The following SEM1 variants were observed in gnomAD, a reference collection of about 807,000 sequenced individuals.
SEM1 encodes SEM1 26S proteasome subunit.
In SEM1, 3 loss-of-function variants were observed where a neutral mutation model predicts 12.7. The ratio of observed to expected loss-of-function variants is 0.24; its 90% CI spans 0.11 to 0.61. The LOEUF is 0.61. SEM1 is among the 20% of genes least tolerant of loss of function. The probability of loss-of-function intolerance (pLI) is 0.88; values close to 1 mark genes in which losing one functional copy is unlikely to be tolerated. For missense variants in SEM1, 59 were observed against 81.3 expected (o/e 0.73, Z 1.06); for synonymous variants, 30 against 27.8 (o/e 1.08, Z -0.25).
downstream of SEM1, among the ~76,000 whole-genome samples, chr7:96,687,720 AC>A: frequency 6.6e-6 from 1 of 152,088 alleles, no homozygotes; most frequent in Non-Finnish European, 1.5e-5. Flanking sequence ...CCAGCATGGC[AC>A]ATGTATACAT....
At chr7:96,625,076 G>A (rs997742286) in intron 2 of SEM1, among the ~76,000 whole-genome samples, 1 of 152,088 alleles carries the variant, frequency 6.6e-6, no homozygotes, top group Admixed American at 6.6e-5. Context: ...TCATAAGGAG[G>A]TTGCTGCTTT....
At chr7:96,551,410 G>A (rs1805266474) in intron 2 of SEM1, among the ~76,000 whole-genome samples, 2 of 152,142 alleles carry the variant, frequency 1.3e-5, no homozygotes, top group South Asian at 4.1e-4. Flanking sequence ...TTTATAAGAA[G>A]ACACAGAGGC....
intron 2 of SEM1, among the ~76,000 whole-genome samples, chr7:96,553,787 G>A (rs1331041306): frequency 1.3e-5 from 2 of 152,158 alleles, no homozygotes; most frequent in African/African-American, 4.8e-5. Flanking sequence ...ACCTTGGGCA[G>A]TATGGCCATT....
chr7:96,706,570 C>CAAAAAAAAA (rs67892273), intron 1 of SEM1, among the ~76,000 whole-genome samples: 96 of 78,024 alleles, frequency 1.2e-3, no homozygotes, highest in African/African-American at 2.7e-3. Flanking sequence ...CTCAAACAAA[C>CAAAAAAAAA]AAAAAAAAAA....
chr7:96,529,741 C>T (rs1804585167), intron 2 of SEM1, among the ~76,000 whole-genome samples: 1 of 152,160 alleles, frequency 6.6e-6, no homozygotes, highest in Admixed American at 6.6e-5. Flanking sequence ...TTTACACTCA[C>T]CTCAGCAATC....
intron 1 of SEM1, among the ~76,000 whole-genome samples, chr7:96,494,721 G>A (rs1311676886): frequency 6.6e-6 from 1 of 151,736 alleles, no homozygotes; most frequent in East Asian, 1.9e-4. Flanking sequence ...AGAGAGAAGG[G>A]GGTGGAGAGA....
chr7:96,601,119 T>C (rs570149561), intron 2 of SEM1, among the ~76,000 whole-genome samples: 1 of 152,242 alleles, frequency 6.6e-6, no homozygotes, highest in East Asian at 1.9e-4. Flanking sequence ...CCCACACACT[T>C]TGTATTTGTT....
intron 2 of SEM1, chr7:96,650,397 G>A (rs1362011630): frequency 6.0e-6 from 4 of 668,010 alleles, no homozygotes; most frequent in East Asian, 5.5e-5. Flanking sequence ...CAGCCTCCTG[G>A]GCATGTTCTC....
upstream of SEM1, among the ~76,000 whole-genome samples, chr7:96,499,448 C>T (rs116755263): frequency 1.7e-3 from 262 of 152,282 alleles, 1 homozygote; most frequent in Middle Eastern, 0.014. Context: ...AGCCCTGTGC[C>T]GGGTGGCAGT....
chr7:96,709,676 C>T lies in SEM1; in HGVS notation c.76+12G>A, dbSNP rs1790588267. The T allele has an allele frequency of 4.3e-6, 7 of 1,612,708 alleles. No homozygotes were observed. In the African/African-American group the frequency reaches 9.4e-5, roughly 22 times the overall value. ...CGTTCGCGCGACACAGAAACCGGGG[C>T]CCAGCGGTTACCTTCGGCAGGGAAC... On this transcript the variant is annotated intron_variant, in intron 1 of 2. Coordinates refer to ENST00000248566, the MANE Select transcript of SEM1 (RefSeq NM_006304.2).
intron 2 of SEM1, among the ~76,000 whole-genome samples, chr7:96,657,011 T>C (rs1809204323): frequency 6.6e-6 from 1 of 152,114 alleles, no homozygotes. Flanking sequence ...CCCTAAGAAA[T>C]ATTGTCGTAA....
chr7:96,508,321 G>A (rs950571997), intron 2 of SEM1, among the ~76,000 whole-genome samples: 3 of 152,048 alleles, frequency 2.0e-5, no homozygotes, highest in African/African-American at 4.8e-5. Flanking sequence ...AAGAAATAGG[G>A]AAGATGAGGA....
chr7:96,671,030 A>G (rs1009320381), downstream of SEM1, among the ~76,000 whole-genome samples: 1 of 152,184 alleles, frequency 6.6e-6, no homozygotes, highest in Non-Finnish European at 1.5e-5. Context: ...TCACTTCTGC[A>G]CTGATTAAGC....
intron 2 of SEM1, among the ~76,000 whole-genome samples, chr7:96,614,634 T>C (rs10258890): frequency 0.62 from 94,732 of 152,086 alleles, 30,488 homozygotes; most frequent in East Asian, 0.83. Flanking sequence ...CCTTAGCTCC[T>C]GGTGTAACAT....
At position 96,659,925 on chromosome 7, in the gene SEM1, A is replaced by AAAC. The variant is rs1554430862; in HGVS notation, c.170+34872_170+34873insGTT. Among the ~76,000 whole-genome samples the AAAC allele has an allele frequency of 1.2e-3, 181 of 148,848 alleles. 2 individuals carry two copies. Among genetic ancestry groups the AAAC allele is most frequent in the African/African-American group, 4.3e-3 (167 of 39,160 alleles). On this transcript the variant is annotated intron_variant, in intron 2 of 2. Coordinates refer to the SEM1 transcript ENST00000417009. Reference sequence around the variant, plus strand: ...GAAAGTAAGATGGCAAAAAAAAAAAAAAAAACAAAAACAAGCCCAAATATA... The same window carrying AAAC: ...GAAAGTAAGATGGCAAAAAAAAAAAAAACAAAAACAAAAACAAGCCCAAATATA...
At chr7:96,581,699 T>C (rs1261162281) in intron 2 of SEM1, among the ~76,000 whole-genome samples, 1 of 152,158 alleles carries the variant, frequency 6.6e-6, no homozygotes. Context: ...CCCTTGTAAG[T>C]TGGATTCCTA....
upstream of SEM1, among the ~76,000 whole-genome samples, chr7:96,497,852 G>A (rs1318980575): frequency 6.6e-6 from 1 of 152,052 alleles, no homozygotes; most frequent in Non-Finnish European, 1.5e-5. Context: ...AACAGATGAC[G>A]GAACTAACAG....
At chr7:96,484,117 A>G (rs1802658325) in intron 3 of SEM1, 1 of 892,186 alleles carries the variant, frequency 1.1e-6, no homozygotes. Flanking sequence ...GAGATGAGAA[A>G]ACTGAGGTAT....
At chr7:96,680,299 T>C (rs1018047068) in intron 2 of SEM1, among the ~76,000 whole-genome samples, 1 of 152,080 alleles carries the variant, frequency 6.6e-6, no homozygotes, top group African/African-American at 2.4e-5. Flanking sequence ...CTTATCTCTA[T>C]TCTAAGTTGC....
Sources: allele counts gnomAD v4.1 joint callset (sites outside exome capture counted in the v4.1 genomes callset), GRCh38; gene constraint gnomAD v4.1.1; transcripts MANE v1.5; gene names NCBI Gene and HGNC (gene_info 2026-07-23, HGNC 2026-07-21).